The following FAM13A variants were observed in gnomAD, a reference collection of about 807,000 sequenced individuals.
FAM13A encodes the protein family with sequence similarity 13 member A.
In FAM13A, 76 loss-of-function variants were observed where a neutral mutation model predicts 129.6. The observed-to-expected ratio is 0.59, with a 90% CI of 0.49 to 0.71. FAM13A has a LOEUF of 0.71. FAM13A is among the 30% of genes least tolerant of loss of function. FAM13A has a pLI of 0.00. For synonymous variants in FAM13A, 443 were observed against 449.9 expected (o/e 0.98, Z 0.20); for missense variants, 1,108 against 1,249.3 (o/e 0.89, Z 1.70).
chr4:88,867,002 A>G (rs1405877346), intron 6 of FAM13A, among the ~76,000 whole-genome samples: 1 of 152,210 alleles, frequency 6.6e-6, no homozygotes. Flanking sequence ...GTAAATATAC[A>G]GTAGATTCTC....
intron 3 of FAM13A, among the ~76,000 whole-genome samples, chr4:88,993,674 T>C (rs1560702585): frequency 6.6e-6 from 1 of 152,120 alleles, no homozygotes; most frequent in Non-Finnish European, 1.5e-5. Context: ...CGGATGTATT[T>C]AGAGAGTTTC....
At chr4:88,823,094 C>CTAAGCTGGGT in intron 7 of FAM13A, 1 of 1,589,642 alleles carries the variant, frequency 6.3e-7, no homozygotes, top group Admixed American at 1.8e-5. Context: ...CTTACAGTGG[C>CTAAGCTGGGT]TAAGCTGGGT....
At chr4:88,754,521 C>T (rs753231405) in intron 14 of FAM13A, among the ~76,000 whole-genome samples, 6 of 152,130 alleles carry the variant, frequency 3.9e-5, no homozygotes, top group Non-Finnish European at 7.3e-5. Context: ...ATTCCCTTTC[C>T]AACTATATTA....
intron 10 of FAM13A, among the ~76,000 whole-genome samples, chr4:88,783,176 T>C (rs1723283949): frequency 6.6e-6 from 1 of 152,204 alleles, no homozygotes; most frequent in Non-Finnish European, 1.5e-5. Context: ...AATTAATTTA[T>C]TTTTTATTCT....
At chr4:88,786,429 A>T (rs956447438) in intron 10 of FAM13A, among the ~76,000 whole-genome samples, 1 of 152,270 alleles carries the variant, frequency 6.6e-6, no homozygotes, top group East Asian at 1.9e-4. Context: ...ATAACACATT[A>T]GAGGTAGTAC....
At chr4:89,000,410 A>G (rs1371041777) in intron 3 of FAM13A, among the ~76,000 whole-genome samples, 1 of 152,198 alleles carries the variant, frequency 6.6e-6, no homozygotes, top group African/African-American at 2.4e-5. Flanking sequence ...TAGATCAAAG[A>G]AGCCAGTCAC....
intron 4 of FAM13A, among the ~76,000 whole-genome samples, chr4:88,948,425 G>A (rs1002747996): frequency 1.3e-5 from 2 of 152,028 alleles, no homozygotes; most frequent in African/African-American, 4.8e-5. Flanking sequence ...CCAGTGGCTG[G>A]GGTAAGAGGA....
rs764945399 is a variant in FAM13A, at chr4:88,887,724, G to T, written c.843+18655C>A. Among the ~76,000 whole-genome samples, 63 of 151,802 alleles carry T rather than the reference G, an allele frequency of 4.2e-4. 1 individual carries two copies. The highest frequency in any genetic ancestry group is 2.1e-4 in the South Asian group (1 of 4,812). ...TTTTTTGTATTTTTAGTAGAGACAG[G>T]GTTTCACTATGTTGGCCAGGCTGGT... On this transcript the variant is annotated intron_variant, in intron 6 of 23. Transcript: ENST00000264344.
At chr4:88,790,065 C>A (rs148242064) in intron 9 of FAM13A, among the ~76,000 whole-genome samples, 192 of 152,222 alleles carry the variant, frequency 1.3e-3, no homozygotes, top group Non-Finnish European at 2.1e-3. Flanking sequence ...GGACCAGGGA[C>A]TTGTTGCCAT....
intron 5 of FAM13A, among the ~76,000 whole-genome samples, chr4:88,912,568 T>TAC (rs71594867): frequency 0.045 from 6,586 of 146,136 alleles, 157 homozygotes; most frequent in South Asian, 0.057. Flanking sequence ...CACACATACA[T>TAC]ACACACACAC....
intron 13 of FAM13A, among the ~76,000 whole-genome samples, chr4:88,762,340 G>T (rs1214223072): frequency 1.3e-5 from 2 of 152,146 alleles, no homozygotes; most frequent in Non-Finnish European, 2.9e-5. Flanking sequence ...TGGCTGATTT[G>T]TGGCACAGCA....
At chr4:88,916,610 T>C (rs1049766379) in intron 5 of FAM13A, among the ~76,000 whole-genome samples, 1 of 152,196 alleles carries the variant, frequency 6.6e-6, no homozygotes, top group Non-Finnish European at 1.5e-5. Flanking sequence ...TCCACTACCA[T>C]ATGCAAGTGT....
At chr4:88,736,804 GA>G (rs1199430900) in intron 21 of FAM13A, among the ~76,000 whole-genome samples, 1 of 151,442 alleles carries the variant, frequency 6.6e-6, no homozygotes, top group African/African-American at 2.4e-5. Flanking sequence ...CATATTACTG[GA>G]AAAAAAATCA....
chr4:88,775,677 A>G (rs1721565529), intron 11 of FAM13A, among the ~76,000 whole-genome samples: 1 of 152,192 alleles, frequency 6.6e-6, no homozygotes, highest in African/African-American at 2.4e-5. Context: ...ACTGTACTCC[A>G]GGCTGGATGA....
chr4:88,815,349 A>C (rs1236463499), intron 7 of FAM13A, among the ~76,000 whole-genome samples: 2 of 152,084 alleles, frequency 1.3e-5, no homozygotes, highest in African/African-American at 4.8e-5. Flanking sequence ...TTTCCCATTA[A>C]CATGTCTTTT....
chr4:88,728,531 C>T lies in FAM13A; in HGVS notation c.*2G>A, dbSNP rs761720527. On this transcript the variant is annotated 3_prime_UTR_variant, in exon 24 of 24. Coordinates refer to ENST00000264344, the MANE Select transcript of FAM13A (RefSeq NM_014883.4). ...CCAGCCCCCTGTGCTTGGCCATGCC[C>T]CTCACATGGACTTGGAATCAGTGTC... 22 of 1,614,014 alleles carry T rather than the reference C, an allele frequency of 1.4e-5. No individual in the cohort carries two copies. In the African/African-American group the frequency reaches 2.0e-4, roughly 15 times the overall value.
At chr4:88,760,370 A>C (rs550026854) in intron 13 of FAM13A, among the ~76,000 whole-genome samples, 520 of 29,342 alleles carry the variant, frequency 0.018, 201 homozygotes, top group Non-Finnish European at 0.07. Flanking sequence ...TTTGGGAGGC[A>C]GAGGCGGGCG....
At chr4:88,740,984 G>A (rs539709322) in intron 19 of FAM13A, among the ~76,000 whole-genome samples, 13 of 152,230 alleles carry the variant, frequency 8.5e-5, no homozygotes, top group East Asian at 1.9e-4. Context: ...GATGTCACCC[G>A]CTACACACCT....
At chr4:89,035,687 C>G (rs914815461) in intron 1 of FAM13A, among the ~76,000 whole-genome samples, 1 of 152,052 alleles carries the variant, frequency 6.6e-6, no homozygotes, top group Non-Finnish European at 1.5e-5. Context: ...CCTTGCTGTT[C>G]TTGTGATAGT....
Sources: gnomAD v4.1 joint callset for allele counts (sites outside exome capture counted in the v4.1 genomes callset) on GRCh38, gnomAD v4.1.1 for gene constraint, MANE v1.5 for transcripts, NCBI Gene and HGNC (gene_info 2026-07-23, HGNC 2026-07-21) for gene names.